Variants in DCC observed in about 807,000 individuals in gnomAD.
DCC encodes netrin receptor DCC.
DCC carries 58 observed loss-of-function variants against 172.5 expected under a neutral mutation model. That is an observed-to-expected ratio of 0.34 (90% CI 0.27 to 0.42). The LOEUF (loss-of-function observed/expected upper bound fraction) is 0.42, where lower values mean the gene tolerates loss of function less well. DCC is among the 10% of genes least tolerant of loss of function. The pLI is 1.00. For missense variants in DCC, 1,740 were observed against 1,791.0 expected (o/e 0.97, Z 0.51); for synonymous variants, 709 against 644.5 (o/e 1.10, Z -1.52).
At chr18:53,003,453 A>G (rs868719850) in intron 5 of DCC, among the ~76,000 whole-genome samples, 6 of 152,090 alleles carry the variant, frequency 3.9e-5, no homozygotes, top group Middle Eastern at 3.4e-3. Flanking sequence ...AATAGGTCAA[A>G]TACTCCCTCT....
chr18:52,891,167 A>T (rs2039644865), intron 2 of DCC, among the ~76,000 whole-genome samples: 1 of 152,100 alleles, frequency 6.6e-6, no homozygotes, highest in Admixed American at 6.6e-5. Context: ...TGGGGTTTTC[A>T]TTGACTTCTC....
intron 21 of DCC, among the ~76,000 whole-genome samples, chr18:53,421,917 C>T (rs1910662169): frequency 6.6e-6 from 1 of 152,130 alleles, no homozygotes; most frequent in Admixed American, 6.6e-5. Context: ...ACATGCAATC[C>T]TATTTGATTC....
At chr18:53,179,947 C>T (rs968524092) in intron 9 of DCC, among the ~76,000 whole-genome samples, 4 of 152,208 alleles carry the variant, frequency 2.6e-5, no homozygotes. Context: ...AAACACCTAA[C>T]TGTACCTGTT....
chr18:53,426,061 C>T (rs1442304185), intron 21 of DCC, among the ~76,000 whole-genome samples: 1 of 151,476 alleles, frequency 6.6e-6, no homozygotes, highest in Non-Finnish European at 1.5e-5. Flanking sequence ...CCTCACGGTT[C>T]TCTACCTAAT....
At chr18:52,832,257 T>C (rs1391028673) in intron 2 of DCC, among the ~76,000 whole-genome samples, 1 of 152,094 alleles carries the variant, frequency 6.6e-6, no homozygotes, top group Non-Finnish European at 1.5e-5. Flanking sequence ...GGAAAGAGCC[T>C]CACAATGGCT....
At chr18:53,180,794 G>A (rs927089445) in intron 9 of DCC, among the ~76,000 whole-genome samples, 20 of 152,000 alleles carry the variant, frequency 1.3e-4, no homozygotes, top group African/African-American at 4.8e-4. Flanking sequence ...TGTATTTTTA[G>A]TAGAGACGAG....
chr18:52,951,925 T>C (rs1278066789), intron 5 of DCC, among the ~76,000 whole-genome samples: 1 of 152,206 alleles, frequency 6.6e-6, no homozygotes, highest in Non-Finnish European at 1.5e-5. Flanking sequence ...CAGTGAATTG[T>C]TCAAGGATGC....
intron 1 of DCC, among the ~76,000 whole-genome samples, chr18:52,508,996 C>T (rs2031336194): frequency 6.6e-6 from 1 of 152,170 alleles, no homozygotes; most frequent in South Asian, 2.1e-4. Flanking sequence ...AATTTTATTT[C>T]ACTTTAATTG....
chr18:53,477,781 C>A (rs1199797541), intron 25 of DCC, among the ~76,000 whole-genome samples: 7 of 152,094 alleles, frequency 4.6e-5, no homozygotes, highest in Admixed American at 1.3e-4. Flanking sequence ...ATGGCATATG[C>A]TACTCCTTAT....
At chr18:53,294,651 G>C (rs1473683423) in intron 12 of DCC, among the ~76,000 whole-genome samples, 2 of 152,086 alleles carry the variant, frequency 1.3e-5, no homozygotes, top group Non-Finnish European at 2.9e-5. Flanking sequence ...AAAATGAAGG[G>C]GGACTCACCC....
At chr18:52,511,277 T>C in intron 1 of DCC, among the ~76,000 whole-genome samples, 1 of 47,504 alleles carries the variant, frequency 2.1e-5, no homozygotes, top group East Asian at 5.2e-4. Context: ...CAAGACTCTG[T>C]CTCAAAAAAA....
At chr18:52,407,589 G>GA (rs963630753) in intron 1 of DCC, among the ~76,000 whole-genome samples, 36 of 151,298 alleles carry the variant, frequency 2.4e-4, no homozygotes, top group Middle Eastern at 3.4e-3. Context: ...CAATTAGATT[G>GA]AAAAAAAAGC....
intron 1 of DCC, among the ~76,000 whole-genome samples, chr18:52,409,823 G>A (rs1986784117): frequency 6.6e-6 from 1 of 152,124 alleles, no homozygotes; most frequent in African/African-American, 2.4e-5. Flanking sequence ...GGTAGGAAGG[G>A]CAAGTATCAT....
At chr18:52,542,231 A>G (rs1209255203) in intron 1 of DCC, among the ~76,000 whole-genome samples, 2 of 151,892 alleles carry the variant, frequency 1.3e-5, no homozygotes, top group African/African-American at 2.4e-5. Flanking sequence ...ATTTTTCTAA[A>G]TATTTAATTC....
intron 7 of DCC, among the ~76,000 whole-genome samples, chr18:53,131,953 ATTTTTTTTTTTTTT>A (rs71175556): frequency 1.0e-4 from 6 of 58,260 alleles, no homozygotes; most frequent in South Asian, 1.1e-3. Flanking sequence ...TCTCTAAGTG[ATTTTTTTTTTTTTT>A]TTTTTTTTTT....
chr18:53,376,289 C>T (rs1907280600), intron 15 of DCC, among the ~76,000 whole-genome samples: 1 of 151,998 alleles, frequency 6.6e-6, no homozygotes, highest in South Asian at 2.1e-4. Context: ...GAGACTGAGG[C>T]AGGAAAATTG....
chr18:53,516,246 T>C (rs1416020501), intron 27 of DCC, among the ~76,000 whole-genome samples: 1 of 150,542 alleles, frequency 6.6e-6, no homozygotes, highest in Admixed American at 6.6e-5. Flanking sequence ...TGGCTAGCCA[T>C]ATGTAGAAAG....
chr18:52,345,734 AG>A (rs1363629269), intron 1 of DCC, among the ~76,000 whole-genome samples: 1 of 152,220 alleles, frequency 6.6e-6, no homozygotes, highest in Non-Finnish European at 1.5e-5. Flanking sequence ...TTGCAAGGTC[AG>A]GGGGATTTGC....
intron 5 of DCC, among the ~76,000 whole-genome samples, chr18:52,951,057 A>G (rs1352334779): frequency 6.7e-6 from 1 of 150,346 alleles, no homozygotes; most frequent in East Asian, 2.0e-4. Context: ...ATTCCAAAGC[A>G]TCTCCTGGCT....
Sources: allele counts gnomAD v4.1 joint callset (sites outside exome capture counted in the v4.1 genomes callset), GRCh38; gene constraint gnomAD v4.1.1; transcripts MANE v1.5; gene names NCBI Gene and HGNC (gene_info 2026-07-23, HGNC 2026-07-21).